The following ACTA2 variants were observed in gnomAD, a reference collection of about 807,000 sequenced individuals.
ACTA2 encodes actin, aortic smooth muscle.
ACTA2 carries 12 observed loss-of-function variants against 39.5 expected under a neutral mutation model. The observed-to-expected ratio is 0.30, with a 90% confidence interval of 0.19 to 0.49. ACTA2 has a LOEUF of 0.49. ACTA2 is among the 20% of genes least tolerant of loss of function. The pLI is 0.99. For missense variants in ACTA2, 236 were observed against 498.8 expected, an observed-to-expected ratio of 0.47 and a Z score of 5.02; for synonymous variants, 158 against 180.6, an observed-to-expected ratio of 0.88 and a Z score of 1.00.
At chr10:88,937,933 G>A (rs1845772965) in intron 8 of ACTA2, 128 bp downstream of exon 8, 2 of 1,000,820 alleles carry the variant, frequency 2.0e-6, no homozygotes. Flanking sequence ...TGAGATTTGT[G>A]TCCATTACCT....
At chr10:88,979,872 T>C (rs1467236870) in intron 1 of ACTA2, among the ~76,000 whole-genome samples, 1 of 152,194 alleles carries the variant, frequency 6.6e-6, no homozygotes, top group African/African-American at 2.4e-5. Flanking sequence ...CTCACACATG[T>C]GTAAAGCACC....
intron 1 of ACTA2, among the ~76,000 whole-genome samples, chr10:88,968,485 C>T (rs567155576): frequency 3.3e-5 from 5 of 152,126 alleles, no homozygotes; most frequent in Non-Finnish European, 7.4e-5. Flanking sequence ...GTTGGTAACA[C>T]GGGCACTCTG....
At chr10:88,941,054 A>C (rs1845838364) in intron 6 of ACTA2, 175 bp downstream of exon 6, 1 of 758,366 alleles carries the variant, frequency 1.3e-6, no homozygotes, top group Non-Finnish European at 2.3e-6. Context: ...GAAATAGTGT[A>C]ATCATTTTGC....
At chr10:88,984,540 A>G (rs1032244922) in intron 1 of ACTA2, among the ~76,000 whole-genome samples, 2 of 152,250 alleles carry the variant, frequency 1.3e-5, no homozygotes, top group Non-Finnish European at 2.9e-5. Context: ...TATTTGCTAT[A>G]TGAAAACATA....
chr10:88,940,015 G>A, intron 6 of ACTA2: 3 of 394,504 alleles, frequency 7.6e-6, no homozygotes, highest in South Asian at 7.3e-5. Flanking sequence ...ATTTTTTGGG[G>A]TGGGTGGGCA....
chr10:88,938,329 T>A, intron 7 of ACTA2, 87 bp from the exon 8 acceptor site: 1 of 1,433,306 alleles, frequency 7.0e-7, no homozygotes, highest in South Asian at 1.1e-5. Flanking sequence ...ATCTGGATGA[T>A]CTTGCAGTGG....
At chr10:88,936,202 T>A (rs1845734880) in intron 8 of ACTA2, among the ~76,000 whole-genome samples, 1 of 152,228 alleles carries the variant, frequency 6.6e-6, no homozygotes. Flanking sequence ...AAACAGAGGC[T>A]GAGAAAGTTT....
chr10:88,960,988 C>A (rs1228793597), intron 1 of ACTA2, among the ~76,000 whole-genome samples: 2 of 152,094 alleles, frequency 1.3e-5, no homozygotes. Flanking sequence ...TTTTAGTAAT[C>A]AAGGAGTGTG....
chr10:88,981,628 T>C (rs980183456), intron 1 of ACTA2, among the ~76,000 whole-genome samples: 7 of 151,748 alleles, frequency 4.6e-5, no homozygotes, highest in African/African-American at 1.7e-4. Context: ...CCACAAGCAG[T>C]GGGGTGGGCA....
In ACTA2 at chr10:88,980,051, G is replaced by C. The variant is rs531199173; in HGVS notation, c.-24+10888C>G. On this transcript the variant is annotated intron_variant, in intron 1 of 4. Coordinates refer to the ACTA2 transcript ENST00000415557. ...ATGGCCAGCTGAGCCGAAAGATAAA[G>C]TGGACTTCTTTCCACTTGAAATTTT... Among the ~76,000 whole-genome samples the C allele has an allele frequency of 1.2e-3, 178 of 152,324 alleles. 1 individual carries two copies. Among genetic ancestry groups the C allele is most frequent in the South Asian group, 7.5e-3 (36 of 4,822 alleles).
chr10:88,969,104 A>T (rs113561688), intron 1 of ACTA2, among the ~76,000 whole-genome samples: 1 of 152,184 alleles, frequency 6.6e-6, no homozygotes. Context: ...CTCTCTTATT[A>T]AATAATACTC....
In ACTA2 at chr10:88,973,927, G is replaced by A. The variant is rs181509459; in HGVS notation, c.-24+17012C>T. ...AGCGATTCTCATGCCTCAGCCTCCC[G>A]AGTAGCGAGGACTACAGGCGTGCAC... On this transcript the variant is annotated intron_variant, in intron 1 of 4. Transcript: ENST00000415557. The A allele has an allele frequency of 3.9e-5, 6 of 152,572 alleles. No individual in the cohort carries two copies. In the East Asian group the frequency reaches 7.7e-4, roughly 20 times the overall value. 9.5% of individuals were successfully genotyped at this position (152,572 alleles called of 1,614,324 possible).
At chr10:88,973,878 T>A (rs551196538) in intron 1 of ACTA2, 2 of 152,782 alleles carry the variant, frequency 1.3e-5, no homozygotes, top group Admixed American at 1.3e-4. Context: ...CTCAGCTCAC[T>A]GCAACCTCCA....
chr10:88,989,139 T>C (rs1390736363), intron 1 of ACTA2, among the ~76,000 whole-genome samples: 1 of 152,238 alleles, frequency 6.6e-6, no homozygotes, highest in Non-Finnish European at 1.5e-5. Flanking sequence ...GTAAGTTTAA[T>C]AATCACTCAT....
At chr10:88,939,470 G>A (rs752091713) in intron 7 of ACTA2, 37 bp downstream of exon 7, 99 of 1,609,686 alleles carry the variant, frequency 6.2e-5, no homozygotes, top group Non-Finnish European at 2.1e-5. Context: ...AGAAGACAAT[G>A]ACTCCCCTTC....
chr10:88,953,354 C>T (rs546017299), upstream of ACTA2, among the ~76,000 whole-genome samples: 1 of 152,268 alleles, frequency 6.6e-6, no homozygotes, highest in South Asian at 2.1e-4. Flanking sequence ...AGTATGGAGA[C>T]AAGGTTGACA....
chr10:88,936,180 T>C (rs1195264836), intron 8 of ACTA2, among the ~76,000 whole-genome samples: 1 of 152,238 alleles, frequency 6.6e-6, no homozygotes, highest in African/African-American at 2.4e-5. Flanking sequence ...TACTCCCATA[T>C]TACATATGAG....
At chr10:88,971,380 G>A (rs567634976) in intron 1 of ACTA2, among the ~76,000 whole-genome samples, 2 of 152,314 alleles carry the variant, frequency 1.3e-5, no homozygotes, top group Admixed American at 1.3e-4. Flanking sequence ...TTTGTAAAGG[G>A]TGCCAATGGC....
upstream of ACTA2, among the ~76,000 whole-genome samples, chr10:88,955,218 C>T (rs1283092402): frequency 6.6e-6 from 1 of 152,140 alleles, no homozygotes; most frequent in African/African-American, 2.4e-5. Context: ...ATTCCTTGAG[C>T]GCTGGGGCAG....
Sources: allele counts gnomAD v4.1 joint callset (sites outside exome capture counted in the v4.1 genomes callset), GRCh38; gene constraint gnomAD v4.1.1; transcripts MANE v1.5; gene names NCBI Gene and HGNC (gene_info 2026-07-23, HGNC 2026-07-21).